The following SPIRE2 variants were observed in gnomAD, a reference collection of about 807,000 sequenced individuals.
The protein encoded by SPIRE2 is protein spire homolog 2.
SPIRE2 carries 76 observed loss-of-function variants against 80.7 expected under a neutral mutation model. That is an observed-to-expected ratio of 0.94 (90% CI 0.78 to 1.14). The LOEUF is 1.14. Among genes scored for constraint, SPIRE2 ranks in the 50% most tolerant of loss-of-function variants. The pLI is 0.00. For synonymous variants in SPIRE2, 535 were observed against 432.6 expected (o/e 1.24, Z -2.94); for missense variants, 1,196 against 1,015.3 (o/e 1.18, Z -2.42).
At chr16:89,864,768 A>C (rs2041774946) in intron 12 of SPIRE2, among the ~76,000 whole-genome samples, 1 of 152,234 alleles carries the variant, frequency 6.6e-6, no homozygotes, top group Non-Finnish European at 1.5e-5. Flanking sequence ...AAAGGATCAA[A>C]CTGTTCACAA....
intron 1 of SPIRE2, among the ~76,000 whole-genome samples, chr16:89,843,350 C>G (rs903983836): frequency 6.6e-6 from 1 of 152,136 alleles, no homozygotes; most frequent in African/African-American, 2.4e-5. Context: ...AGGTTCGCTC[C>G]CGGGCCTCCC....
intron 8 of SPIRE2, 113 bp from the exon 9 acceptor site, chr16:89,859,052 C>T: frequency 1.0e-6 from 1 of 977,462 alleles, no homozygotes; most frequent in South Asian, 1.8e-5. Flanking sequence ...TGGAGGCTGC[C>T]CCACATCGCA....
intron 5 of SPIRE2, among the ~76,000 whole-genome samples, chr16:89,854,939 A>G (rs1014324359): frequency 2.0e-4 from 30 of 149,922 alleles, no homozygotes; most frequent in South Asian, 1.7e-3. Flanking sequence ...AGGCTGTAGG[A>G]TTTTTTTTTT....
chr16:89,839,737 TG>T (rs2041486081), intron 1 of SPIRE2, among the ~76,000 whole-genome samples: 1 of 152,118 alleles, frequency 6.6e-6, no homozygotes, highest in South Asian at 2.1e-4. Context: ...GGTCTTCCTC[TG>T]GGGGTGGGGT....
At chr16:89,866,864 C>G (rs1243112307) in intron 12 of SPIRE2, among the ~76,000 whole-genome samples, 2 of 151,920 alleles carry the variant, frequency 1.3e-5, no homozygotes, top group Admixed American at 1.3e-4. Flanking sequence ...CCATCTCGGT[C>G]TCCCAAAGTG....
chr16:89,863,713 G>A lies in SPIRE2; in HGVS notation c.1711-81G>A. The A allele has an allele frequency of 6.2e-7, 1 of 1,608,152 alleles. No individual in the cohort carries two copies. Among genetic ancestry groups the A allele is most frequent in the Non-Finnish European group, 8.5e-7 (1 of 1,174,758 alleles). ...CTGTTTGCTCATGATCTGGTTGGGA[G>A]CCCTGAGGGGGTAGCAGGGACAGGG... On this transcript the variant is annotated intron_variant, in intron 11 of 14. Coordinates refer to ENST00000378247, the MANE Select transcript of SPIRE2 (RefSeq NM_032451.2). The surrounding 1 kb of genome is among the most constrained non-coding windows in gnomAD (Gnocchi z 4.3).
intron 2 of SPIRE2, chr16:89,845,873 G>T (rs11645376): frequency 3.9e-6 from 2 of 517,424 alleles, no homozygotes; most frequent in South Asian, 3.0e-5. Flanking sequence ...TTCTTTCTTT[G>T]TTTTTTTTGC....
intron 3 of SPIRE2, among the ~76,000 whole-genome samples, chr16:89,851,493 C>G (rs972279380): frequency 6.6e-6 from 1 of 152,184 alleles, no homozygotes; most frequent in African/African-American, 2.4e-5. Flanking sequence ...TGAGCAAGTG[C>G]AGGCTCTAAG....
Position 89,828,719 on chromosome 16 carries a change from C to A in SPIRE2, c.169C>A (p.Arg57=). Reference sequence around the variant, plus strand: ...CCGCGGGCTGCGGGGCTCGCCGGGCCGGCGCCTGCGGGATACCGGGGACCT... The same window carrying A: ...CCGCGGGCTGCGGGGCTCGCCGGGCAGGCGCCTGCGGGATACCGGGGACCT... ...GCRGLRGSPG[R]RLRDTGDLLL... Residue 57 remains arginine, a synonymous_variant, in exon 1 of 15, where the codon CGG becomes AGG. Transcript: ENST00000378247. The surrounding 1 kb of genome is among the most constrained non-coding windows in gnomAD (Gnocchi z 5.9). The A allele has an allele frequency of 8.0e-7, 1 of 1,255,556 alleles. No homozygotes were observed. Among genetic ancestry groups the A allele is most frequent in the African/African-American group, 1.5e-5 (1 of 64,804 alleles). The allele number at this position is 1,255,556 out of a possible 1,614,324, so 77.8% of individuals were successfully genotyped here. A position where few individuals can be genotyped will look rare whatever the true frequency, so the allele number is the denominator to read the frequency against.
At chr16:89,840,500 C>G (rs945392019) in intron 1 of SPIRE2, among the ~76,000 whole-genome samples, 1 of 151,294 alleles carries the variant, frequency 6.6e-6, no homozygotes, top group Non-Finnish European at 1.5e-5. Context: ...CCGCCCGCCT[C>G]GGCCTCCCAA....
chr16:89,839,812 C>T (rs1320240702), intron 1 of SPIRE2, among the ~76,000 whole-genome samples: 2 of 152,254 alleles, frequency 1.3e-5, no homozygotes, highest in East Asian at 1.9e-4. Flanking sequence ...CATCCCTGTC[C>T]TGACCCCAAG....
rs371249078 is a variant in SPIRE2 at position 89,845,251 on chromosome 16, T to TG, written c.245-65dup. The stretch of plus-strand genomic sequence containing the variant: ...GTGGTGTGTGTCCCCGAGGGGGAGG[T>TG]GGGGGGACAGCAGTGTTTATTGGGG... On this transcript the variant is annotated intron_variant, in intron 1 of 14. Coordinates refer to ENST00000378247, the MANE Select transcript of SPIRE2 (RefSeq NM_032451.2). 802 of 1,369,912 alleles carry TG rather than the reference T, an allele frequency of 5.9e-4. 2 individuals are homozygous for TG. In the African/African-American group the frequency reaches 7.8e-3, roughly 13 times the overall value. The allele number at this position is 1,369,912 out of a possible 1,614,324, so 84.9% of individuals were successfully genotyped here. A position where few individuals can be genotyped will look rare whatever the true frequency, so the allele number is the denominator to read the frequency against.
At chr16:89,847,141 T>C (rs1211459801) in intron 2 of SPIRE2, 1 of 152,152 alleles carries the variant, frequency 6.6e-6, no homozygotes, top group Non-Finnish European at 1.5e-5. Context: ...AAAACCGAAG[T>C]CTATGTCACC....
At chr16:89,831,032 C>G (rs905817008) in intron 1 of SPIRE2, among the ~76,000 whole-genome samples, 1 of 150,180 alleles carries the variant, frequency 6.7e-6, no homozygotes, top group Non-Finnish European at 1.5e-5. Context: ...GCCTCAGCCT[C>G]CCGAGTAGCT....
At chr16:89,838,071 C>T (rs967759492) in intron 1 of SPIRE2, among the ~76,000 whole-genome samples, 4 of 151,682 alleles carry the variant, frequency 2.6e-5, no homozygotes, top group African/African-American at 9.7e-5. Context: ...AGTGCCTCAG[C>T]TCACTGCAGT....
At chr16:89,837,489 G>A (rs1467222900) in intron 1 of SPIRE2, among the ~76,000 whole-genome samples, 1 of 152,216 alleles carries the variant, frequency 6.6e-6, no homozygotes, top group African/African-American at 2.4e-5. Context: ...CACCTTCTCA[G>A]GTAGGATCTG....
intron 1 of SPIRE2, chr16:89,836,127 A>G: frequency 4.4e-6 from 2 of 450,038 alleles, no homozygotes; most frequent in Non-Finnish European, 9.0e-6. Context: ...GTGAGTCGAG[A>G]TTGCGCCACT....
chr16:89,842,919 T>A (rs941344575), intron 1 of SPIRE2, among the ~76,000 whole-genome samples: 8 of 152,264 alleles, frequency 5.3e-5, no homozygotes, highest in African/African-American at 1.9e-4. Flanking sequence ...AGGCTCCCTT[T>A]ATCTTTGGCA....
At position 89,863,159 on chromosome 16, in the gene SPIRE2, G is replaced by C. The variant is rs2041759050; in HGVS notation, c.1576-317G>C. The C allele has an allele frequency of 7.8e-6, 3 of 386,906 alleles. No homozygotes were observed. The highest frequency in any genetic ancestry group is 1.1e-4 in the East Asian group (2 of 18,632). 24.0% of individuals were successfully genotyped at this position (386,906 alleles called of 1,614,324 possible). ...TTTGAGATGGATTCTGGCTGGTGTG[G>C]ATCAGCCCATGGTGTGTTTGCAGGC... On this transcript the variant is annotated intron_variant, in intron 10 of 14. Transcript: ENST00000378247. This position sits in a 1 kb window ranked among gnomAD's most constrained non-coding sequence, Gnocchi z 4.3.
Sources: allele counts gnomAD v4.1 joint callset (sites outside exome capture counted in the v4.1 genomes callset), GRCh38; gene constraint gnomAD v4.1.1; non-coding constraint Gnocchi (gnomAD v3.1); transcripts MANE v1.5; gene names NCBI Gene and HGNC (gene_info 2026-07-23, HGNC 2026-07-21).